The following DNAH1 variants were observed in gnomAD, a reference collection of about 807,000 sequenced individuals.
The protein encoded by DNAH1 is dynein axonemal heavy chain 1.
DNAH1 carries 327 observed loss-of-function variants against 484.3 expected under a neutral mutation model. The observed-to-expected ratio is 0.68, with a 90% confidence interval of 0.62 to 0.74. DNAH1 has a LOEUF of 0.74. Among genes scored for constraint, DNAH1 ranks in the 30% least tolerant of loss-of-function variants. The pLI is 0.00. For missense variants in DNAH1, 5,052 were observed against 5,546.8 expected (o/e 0.91, Z 2.83); for synonymous variants, 2,192 against 2,191.9 (o/e 1.00, Z 0.00).
chr3:52,334,763 A>T (rs2153223358), intron 8 of DNAH1, among the ~76,000 whole-genome samples: 1 of 152,330 alleles, frequency 6.6e-6, no homozygotes, highest in South Asian at 2.1e-4. Context: ...ACTGCACTCC[A>T]GCATGGGTGA....
Position 52,388,562 on chromosome 3 carries a change from G to T in DNAH1, c.9316G>T (p.Glu3106Ter). Residue 3106 changes from glutamate (E) to a stop codon, truncating the protein, a stop_gained, in exon 58 of 78, where the codon GAG becomes TAG. Transcript: ENST00000420323. LOFTEE classifies it high-confidence loss of function. ...ATGCATTACCAAGAAGGAGGAGCTG[G>T]AGCTGAAGTGTGAGCAGTGTGAGCA... is the stretch of plus-strand genomic sequence containing the variant. ...RECITKKEEL[E>*]LKCEQCEQRL... 1 of 1,612,944 alleles carries T rather than the reference G, an allele frequency of 6.2e-7. No individual in the cohort carries two copies. The highest frequency in any genetic ancestry group is 8.5e-7 in the Non-Finnish European group (1 of 1,179,574).
rs1702306981 is a variant in DNAH1, at chr3:52,350,018, C to T, written c.2556C>T (p.Arg852=). The T allele has an allele frequency of 6.2e-7, 1 of 1,612,984 alleles. No homozygotes were observed. Among genetic ancestry groups the T allele is most frequent in the Non-Finnish European group, 8.5e-7 (1 of 1,179,624 alleles). ...GCGAGGAGTTCCGCAGCATCAGCCG[C>T]AAGATCTATGAGAAGCCCAACAGCA... ...SICEEFRSIS[R]KIYEKPNSIE... Residue 852 remains arginine, a synonymous_variant, in exon 15 of 78, where the codon CGC becomes CGT. Coordinates refer to ENST00000420323, the MANE Select transcript of DNAH1 (RefSeq NM_015512.5).
Position 52,362,372 on chromosome 3 carries a change from C to T in DNAH1, c.4981-16C>T, listed in dbSNP as rs1417110240. On this transcript the variant is annotated splice_polypyrimidine_tract_variant and intron_variant, in intron 30 of 77. Transcript: ENST00000420323. This position sits in a 1 kb window ranked among gnomAD's most constrained non-coding sequence, Gnocchi z 5.1. ...GGCACCCTAGTCCCAGGCAAGTCAG[C>T]CTCTCCCCACTGCAGGTGGAACGCT... The T allele has an allele frequency of 1.2e-6, 2 of 1,609,304 alleles. No individual in the cohort carries two copies. The highest frequency in any genetic ancestry group is 2.7e-5 in the African/African-American group (2 of 74,838).
chr3:52,342,285 T>C (rs1273234798), intron 8 of DNAH1, among the ~76,000 whole-genome samples: 1 of 152,278 alleles, frequency 6.6e-6, no homozygotes, highest in Non-Finnish European at 1.5e-5. Flanking sequence ...AGGCCGACAG[T>C]CTGTGCAGGC....
At chr3:52,325,689 C>A (rs1045623839) in intron 3 of DNAH1, among the ~76,000 whole-genome samples, 1 of 152,170 alleles carries the variant, frequency 6.6e-6, no homozygotes, top group Non-Finnish European at 1.5e-5. Context: ...CCACAGTATC[C>A]AGGATGCCTC....
intron 8 of DNAH1, among the ~76,000 whole-genome samples, chr3:52,338,274 A>G (rs529615342): frequency 1.8e-4 from 27 of 151,836 alleles, no homozygotes; most frequent in African/African-American, 6.5e-4. Flanking sequence ...ATGCCTGGCT[A>G]TTTTTTGTAT....
In DNAH1 at chr3:52,358,349, G is replaced by A. The variant is rs538403310; in HGVS notation, c.4087-209G>A. 1.8e-3 allele frequency among the ~76,000 whole-genome samples: 279 copies of A among 152,290 alleles called. No individual in the cohort carries two copies. The highest frequency in any genetic ancestry group is 0.01 in the Middle Eastern group (3 of 294). ...CTTCCCTAAAGCCTGCTTCATGCCG[G>A]GCCTGGGCTGGGGCCTGACCACTGC... is the stretch of plus-strand genomic sequence containing the variant. On this transcript the variant is annotated intron_variant, in intron 24 of 77. Transcript: ENST00000420323. The surrounding 1 kb of genome is among the most constrained non-coding windows in gnomAD (Gnocchi z 4.2).
chr3:52,357,220 T>C (rs952758258), intron 22 of DNAH1, among the ~76,000 whole-genome samples: 3 of 151,838 alleles, frequency 2.0e-5, no homozygotes, highest in African/African-American at 7.3e-5. Flanking sequence ...CGTGGCTGAT[T>C]TTCTTTTGTA....
At chr3:52,349,865 C>T in intron 14 of DNAH1, 124 bp from the exon 15 acceptor site, 1 of 1,387,812 alleles carries the variant, frequency 7.2e-7, no homozygotes, top group African/African-American at 1.4e-5. Context: ...GAAAGCGCCG[C>T]AGGATGTTGT....
At position 52,363,098 on chromosome 3, in the gene DNAH1, A is replaced by T; in HGVS notation, c.5198A>T (p.Lys1733Met). 4 of 1,613,978 alleles carry T rather than the reference A, an allele frequency of 2.5e-6. No homozygotes were observed. Among genetic ancestry groups the T allele is most frequent in the Non-Finnish European group, 3.4e-6 (4 of 1,179,860 alleles). ...AATGAGGCCAGTGTGCTGGCTAAGA[A>T]GATCACAACCACCTTCAAGCTGTCT... ...GFNEASVLAKKITTTFKLSSE... is the reference protein window; with the variant it reads ...GFNEASVLAKMITTTFKLSSE... Residue 1733 changes from lysine to methionine, a missense_variant, in exon 32 of 78, where the codon AAG (lysine) becomes ATG (methionine). Physicochemically the swap from Lys to Met is moderately conservative, Grantham distance 95 (BLOSUM62 -1). Coordinates refer to ENST00000420323, the MANE Select transcript of DNAH1 (RefSeq NM_015512.5).
chr3:52,314,442 G>A (rs1368431305), upstream of DNAH1, among the ~76,000 whole-genome samples: 1 of 152,210 alleles, frequency 6.6e-6, no homozygotes, highest in African/African-American at 2.4e-5. Flanking sequence ...GGAGGTGAGG[G>A]TGGGATCATG....
At position 52,399,021 on chromosome 3, in the gene DNAH1, A is replaced by ATCATGGG; in HGVS notation, c.12268_12274dup (p.Asp4092GlyfsTer51). ...CCTACCCATCGCTCAAGCCTCTGTC[A>ATCATGGG]TCATGGGTCATGGACCTGCTGCAAC... is the stretch of plus-strand genomic sequence containing the variant. On this transcript the variant is annotated frameshift_variant, in exon 76 of 78. Coordinates refer to ENST00000420323, the MANE Select transcript of DNAH1 (RefSeq NM_015512.5). LOFTEE classifies it high-confidence loss of function. 1 of 1,614,062 alleles carries ATCATGGG rather than the reference A, an allele frequency of 6.2e-7. No individual in the cohort carries two copies. The highest frequency in any genetic ancestry group is 8.5e-7 in the Non-Finnish European group (1 of 1,179,904).
intron 8 of DNAH1, among the ~76,000 whole-genome samples, chr3:52,338,817 G>A (rs1300480157): frequency 2.0e-5 from 3 of 151,632 alleles, no homozygotes; most frequent in Non-Finnish European, 2.9e-5. Context: ...CCTGAGGTCA[G>A]GAGTTTGAGA....
chr3:52,347,551 A>G (rs1480053795), intron 11 of DNAH1, among the ~76,000 whole-genome samples: 1 of 152,118 alleles, frequency 6.6e-6, no homozygotes, highest in Non-Finnish European at 1.5e-5. Flanking sequence ...GGGGGCTACA[A>G]TGCCTAGGCC....
chr3:52,327,865 G>T lies in DNAH1; in HGVS notation c.739-17G>T, dbSNP rs77226693. ...AGAGGAGCTGCTTCTTCCCAATGTT[G>T]GCCTGCTTTCTTCCAGGTATTTGAC... On this transcript the variant is annotated splice_polypyrimidine_tract_variant and intron_variant, in intron 5 of 77. Transcript: ENST00000420323. 8.1e-5 allele frequency: 131 copies of T among 1,611,910 alleles called. No homozygotes were observed. The East Asian group carries it at 2.8e-3, about 35-fold the overall frequency.
rs750795432 is a variant in DNAH1, at chr3:52,344,589, C to T, written c.1386C>T (p.Pro462=). The change falls in exon 9 of 78, where the codon CCC becomes CCT. Residue 462 remains proline, a synonymous_variant. Transcript: ENST00000420323. ...INFDHVVSSK[P]ETFSYVTLPK... Reference sequence around the variant, plus strand: ...TTGACCACGTTGTCTCTTCCAAGCCCGAGACCTTCTCCTACGTCACCCTCC... The same window carrying T: ...TTGACCACGTTGTCTCTTCCAAGCCTGAGACCTTCTCCTACGTCACCCTCC... 5.3e-5 allele frequency: 85 copies of T among 1,613,854 alleles called. No individual in the cohort carries two copies. The highest frequency in any genetic ancestry group is 6.8e-5 in the Non-Finnish European group (80 of 1,179,872).
intron 1 of DNAH1, among the ~76,000 whole-genome samples, chr3:52,317,127 T>C (rs1217966440): frequency 6.6e-6 from 1 of 152,176 alleles, no homozygotes; most frequent in Non-Finnish European, 1.5e-5. Flanking sequence ...TGAAAGGAAA[T>C]TGTAGCGGAC....
At chr3:52,328,448 A>G (rs547795344) in intron 6 of DNAH1, among the ~76,000 whole-genome samples, 9 of 152,230 alleles carry the variant, frequency 5.9e-5, no homozygotes, top group Admixed American at 1.3e-4. Flanking sequence ...AATCCCCATC[A>G]TCACACACAT....
intron 17 of DNAH1, 52 bp from the exon 18 acceptor site, chr3:52,352,500 G>A (rs1193345882): frequency 7.0e-6 from 11 of 1,580,266 alleles, no homozygotes; most frequent in Non-Finnish European, 8.6e-6. Context: ...GGGAAGGCCT[G>A]GACACAAGTG....
Sources: gnomAD v4.1 joint callset for allele counts (sites outside exome capture counted in the v4.1 genomes callset) on GRCh38, gnomAD v4.1.1 for gene constraint, Gnocchi (gnomAD v3.1) non-coding constraint, MANE v1.5 for transcripts, NCBI Gene and HGNC (gene_info 2026-07-23, HGNC 2026-07-21) for gene names.